NDUFS7: variants seen among roughly 807,000 people sequenced by gnomAD.
NDUFS7 encodes NADH:ubiquinone oxidoreductase core subunit S7, also known as NADH dehydrogenase [ubiquinone] iron-sulfur protein 7, mitochondrial.
Under a neutral mutation model 31.1 loss-of-function variants are expected in NDUFS7, and 11 were observed. That is an observed-to-expected ratio of 0.35 (90% CI 0.22 to 0.59). The LOEUF (loss-of-function observed/expected upper bound fraction) is 0.59, where lower values mean the gene tolerates loss of function less well. NDUFS7 is among the 20% of genes least tolerant of loss of function. The probability of loss-of-function intolerance (pLI) is 0.79; values close to 1 mark genes in which losing one functional copy is unlikely to be tolerated. For missense variants in NDUFS7, 263 were observed against 324.2 expected, an observed-to-expected ratio of 0.81 and a Z score of 1.45; for synonymous variants, 136 against 127.9, an observed-to-expected ratio of 1.06 and a Z score of -0.43.
In NDUFS7 at chr19:1,393,157, C is replaced by A; in HGVS notation, c.456-85C>A. On this transcript the variant is annotated intron_variant, in intron 6 of 7. Transcript: ENST00000233627. This position sits in a 1 kb window ranked among gnomAD's most constrained non-coding sequence, Gnocchi z 7.3. ...TAGGTGCCTGGCCTGCAGTTGAAGG[C>A]GGGTGGGGATGGGGCGAGGCCTCGT... The A allele has an allele frequency of 9.8e-7, 1 of 1,018,508 alleles. No homozygotes were observed. Among genetic ancestry groups the A allele is most frequent in the Non-Finnish European group, 1.4e-6 (1 of 701,992 alleles). The allele number at this position is 1,018,508 out of a possible 1,614,324, so 63.1% of individuals were successfully genotyped here.
At chr19:1,388,405 A>T in intron 2 of NDUFS7, 120 bp from the exon 3 acceptor site, 1 of 942,586 alleles carries the variant, frequency 1.1e-6, no homozygotes, top group Non-Finnish European at 1.7e-6. Context: ...CCAAGTGTTG[A>T]CAGGCAGAGG....
intron 1 of NDUFS7, among the ~76,000 whole-genome samples, chr19:1,385,411 G>T (rs960051234): frequency 6.6e-6 from 1 of 152,098 alleles, no homozygotes; most frequent in African/African-American, 2.4e-5. Context: ...CTACTGGGGG[G>T]CTGGGGCAAG....
In NDUFS7 at chr19:1,389,337, GCA is replaced by G. The variant is rs376648758; in HGVS notation, c.228+405_228+406del. ...CACACACATGCACACTCACACACAT[GCA>G]CACACGTCCTTGTGTGGACACATGC... On this transcript the variant is annotated intron_variant, in intron 4 of 7. Transcript: ENST00000233627. 1.2e-5 allele frequency: 6 copies of G among 490,640 alleles called. 1 individual carries two copies. The highest frequency in any genetic ancestry group is 4.6e-5 in the Admixed American group (2 of 43,242). 30.4% of individuals were successfully genotyped at this position (490,640 alleles called of 1,614,324 possible). A position where few individuals can be genotyped will look rare whatever the true frequency, so the allele number is the denominator to read the frequency against.
At chr19:1,389,265 A>C in intron 4 of NDUFS7, 18 of 603,352 alleles carry the variant, frequency 3.0e-5, no homozygotes, top group Non-Finnish European at 3.7e-5. Context: ...ACATATACAC[A>C]TGCACACGCA....
Position 1,388,954 on chromosome 19 carries a change from T to C in NDUFS7, c.228+16T>C. 3 of 1,592,426 alleles carry C rather than the reference T, an allele frequency of 1.9e-6. No homozygotes were observed. The highest frequency in any genetic ancestry group is 2.6e-6 in the Non-Finnish European group (3 of 1,168,666). On this transcript the variant is annotated intron_variant, in intron 4 of 7. Coordinates refer to ENST00000233627, the MANE Select transcript of NDUFS7 (RefSeq NM_024407.5). Reference sequence around the variant, plus strand: ...GGCCCGCCGGGTGAGTACTATGAGCTGTAGGCCCTCCTCGAGCGCCAGGGC... The same window carrying C: ...GGCCCGCCGGGTGAGTACTATGAGCCGTAGGCCCTCCTCGAGCGCCAGGGC...
intron 7 of NDUFS7, chr19:1,394,757 C>T (rs1394329692): frequency 2.5e-6 from 3 of 1,185,662 alleles, no homozygotes; most frequent in Non-Finnish European, 1.1e-6. Flanking sequence ...CCAGGTGGGG[C>T]CTGGCCGCCC....
chr19:1,395,376 G>GC lies in NDUFS7; in HGVS notation c.545-14dup. ...TCCGGCTGCGGGAAGCGAGACTGAG[G>GC]CAAGGTCCCTGCAGGCTGCCCACCT... On this transcript the variant is annotated splice_polypyrimidine_tract_variant and intron_variant, in intron 7 of 7. Coordinates refer to ENST00000233627, the MANE Select transcript of NDUFS7 (RefSeq NM_024407.5). The GC allele has an allele frequency of 6.3e-7, 1 of 1,596,104 alleles. No homozygotes were observed. Among genetic ancestry groups the GC allele is most frequent in the Non-Finnish European group, 8.5e-7 (1 of 1,173,238 alleles).
At chr19:1,394,090 C>G (rs1568997471) in intron 7 of NDUFS7, 8 of 328,906 alleles carry the variant, frequency 2.4e-5, no homozygotes, top group Non-Finnish European at 1.8e-5. Context: ...GCGGCATTAG[C>G]TCATGCGCAG....
At chr19:1,390,534 C>T (rs1161518904) in intron 4 of NDUFS7, 3 of 466,188 alleles carry the variant, frequency 6.4e-6, no homozygotes, top group Non-Finnish European at 1.2e-5. Context: ...CCCGGTTAGA[C>T]CTGCGCTACT....
rs776280017 is a variant in NDUFS7, at chr19:1,391,058, T to G, written c.408+8T>G. On this transcript the variant is annotated splice_region_variant and intron_variant, in intron 5 of 7. Coordinates refer to ENST00000233627, the MANE Select transcript of NDUFS7 (RefSeq NM_024407.5). ...GCCCCAGCGCTTCGCAAGGTAGGCC[T>G]CGTCCCAGCCGCCCAGCCGCCCCCA... 25 of 1,612,734 alleles carry G rather than the reference T, an allele frequency of 1.6e-5. No homozygotes were observed. Among genetic ancestry groups the G allele is most frequent in the Non-Finnish European group, 2.1e-5 (25 of 1,179,664 alleles).
chr19:1,393,406 G>A lies in NDUFS7; in HGVS notation c.544+76G>A. 1 of 1,278,238 alleles carries A rather than the reference G, an allele frequency of 7.8e-7. No homozygotes were observed. Among genetic ancestry groups the A allele is most frequent in the South Asian group, 1.3e-5 (1 of 78,876 alleles). 79.2% of individuals were successfully genotyped at this position (1,278,238 alleles called of 1,614,324 possible). A position where few individuals can be genotyped will look rare whatever the true frequency, so the allele number is the denominator to read the frequency against. On this transcript the variant is annotated intron_variant, in intron 7 of 7. Coordinates refer to ENST00000233627, the MANE Select transcript of NDUFS7 (RefSeq NM_024407.5). The surrounding 1 kb of genome is among the most constrained non-coding windows in gnomAD (Gnocchi z 7.3). The stretch of plus-strand genomic sequence containing the variant: ...CCACACGGAGCCCGGCGGCCCCTGT[G>A]AGGGAGTCCCACACCCCCAGCAGAC...
At chr19:1,394,453 C>T (rs1330039857) in intron 7 of NDUFS7, 2 of 1,273,330 alleles carry the variant, frequency 1.6e-6, no homozygotes, top group Admixed American at 2.4e-5. Flanking sequence ...CGCGCTCCTC[C>T]CTCCCTGCGG....
At position 1,391,033 on chromosome 19, in the gene NDUFS7, G is replaced by T; in HGVS notation, c.391G>T (p.Ala131Ser). Reference protein sequence around the residue: ...IVAGTLTNKMAPALRKVYDQM... With the variant: ...IVAGTLTNKMSPALRKVYDQM... Reference sequence around the variant, plus strand: ...GGCCGGCACACTCACCAACAAGATGGCCCCAGCGCTTCGCAAGGTAGGCCT... The same window carrying T: ...GGCCGGCACACTCACCAACAAGATGTCCCCAGCGCTTCGCAAGGTAGGCCT... The change falls in exon 5 of 8, where the codon GCC (alanine) becomes TCC (serine). Residue 131 changes from alanine to serine, a missense_variant. Transcript: ENST00000233627. 1 of 1,613,378 alleles carries T rather than the reference G, an allele frequency of 6.2e-7. No individual in the cohort carries two copies. Among genetic ancestry groups the T allele is most frequent in the Non-Finnish European group, 8.5e-7 (1 of 1,179,904 alleles).
chr19:1,387,729 G>A, intron 1 of NDUFS7, 82 bp from the exon 2 acceptor site: 1 of 1,311,900 alleles, frequency 7.6e-7, no homozygotes, highest in Non-Finnish European at 1.1e-6. Flanking sequence ...GTGCGGGCAG[G>A]AGCCTGATGG....
chr19:1,395,553 G>A lies in NDUFS7; in HGVS notation c.*65G>A. 6.5e-7 allele frequency: 1 copy of A among 1,535,378 alleles called. No homozygotes were observed. Among genetic ancestry groups the A allele is most frequent in the Non-Finnish European group, 8.8e-7 (1 of 1,134,450 alleles). ...CCCCAGCCTGCTTGTGTCCCGTGAGGTTGTCAATAAACCTGCCCTCGGGCT... is the reference window on the plus strand; with the variant it reads ...CCCCAGCCTGCTTGTGTCCCGTGAGATTGTCAATAAACCTGCCCTCGGGCT... On this transcript the variant is annotated 3_prime_UTR_variant, in exon 8 of 8. Coordinates refer to ENST00000233627, the MANE Select transcript of NDUFS7 (RefSeq NM_024407.5).
At chr19:1,384,668 A>C (rs2082495999) in intron 1 of NDUFS7, among the ~76,000 whole-genome samples, 1 of 152,118 alleles carries the variant, frequency 6.6e-6, no homozygotes, top group South Asian at 2.1e-4. Context: ...TGTGATTTGG[A>C]AGGAGTGAGG....
intron 1 of NDUFS7, among the ~76,000 whole-genome samples, chr19:1,384,703 C>T (rs1266043524): frequency 6.6e-6 from 1 of 152,178 alleles, no homozygotes; most frequent in Non-Finnish European, 1.5e-5. Context: ...TTTGATGATA[C>T]GGAAACGTCT....
At chr19:1,387,765 G>A (rs778458409) in intron 1 of NDUFS7, 46 bp from the exon 2 acceptor site, 11 of 1,601,450 alleles carry the variant, frequency 6.9e-6, no homozygotes, top group Admixed American at 3.3e-5. Flanking sequence ...CCGGCCCTGC[G>A]TGCTGCCCGC....
chr19:1,394,728 T>A (rs533125156), intron 7 of NDUFS7: 2 of 1,192,532 alleles, frequency 1.7e-6, no homozygotes, highest in African/African-American at 3.2e-5. Flanking sequence ...TGGAGCAGCC[T>A]GGACTTGCCA....
Sources: gnomAD v4.1 joint callset for allele counts (sites outside exome capture counted in the v4.1 genomes callset) on GRCh38, gnomAD v4.1.1 for gene constraint, Gnocchi (gnomAD v3.1) non-coding constraint, MANE v1.5 for transcripts, NCBI Gene and HGNC (gene_info 2026-07-23, HGNC 2026-07-21) for gene names.